The following TLCD4 variants were observed in gnomAD, a reference collection of about 807,000 sequenced individuals.
TLCD4 encodes the protein TLC domain containing 4.
A neutral mutation model predicts 24.2 loss-of-function variants in TLCD4; 7 were observed. The ratio of observed to expected loss-of-function variants is 0.29; its 90% CI spans 0.16 to 0.54. The LOEUF (loss-of-function observed/expected upper bound fraction) is 0.54. Among genes scored for constraint, TLCD4 ranks in the 20% least tolerant of loss-of-function variants. The pLI is 0.95. For missense variants in TLCD4, 259 were observed against 313.9 expected, an observed-to-expected ratio of 0.82 and a Z score of 1.32; for synonymous variants, 103 against 106.4, an observed-to-expected ratio of 0.97 and a Z score of 0.20.
At chr1:95,162,827 GC>G (rs1354387104) in intron 5 of TLCD4, among the ~76,000 whole-genome samples, 1 of 152,164 alleles carries the variant, frequency 6.6e-6, no homozygotes, top group Non-Finnish European at 1.5e-5. Context: ...TTGAACATTG[GC>G]CCCCACTCTG....
intron 6 of TLCD4, among the ~76,000 whole-genome samples, chr1:95,176,461 G>A (rs1287861152): frequency 6.6e-6 from 1 of 152,288 alleles, no homozygotes; most frequent in East Asian, 1.9e-4. Context: ...AAAGTACTGG[G>A]ATTACAGGCA....
chr1:95,180,513 C>A (rs1678597444), intron 6 of TLCD4, among the ~76,000 whole-genome samples: 1 of 152,050 alleles, frequency 6.6e-6, no homozygotes, highest in South Asian at 2.1e-4. Context: ...TATTTTCTCT[C>A]CATTTTAGAG....
At chr1:95,131,465 C>T (rs1178692948) in intron 1 of TLCD4, among the ~76,000 whole-genome samples, 2 of 152,072 alleles carry the variant, frequency 1.3e-5, no homozygotes, top group South Asian at 2.1e-4. Flanking sequence ...ATGGAGTCCT[C>T]GTAAGAGCAT....
intron 1 of TLCD4, among the ~76,000 whole-genome samples, chr1:95,138,732 GGTGTAGA>G (rs1408212729): frequency 6.6e-6 from 1 of 150,488 alleles, no homozygotes; most frequent in African/African-American, 2.4e-5. Flanking sequence ...CTGAATACAT[GGTGTAGA>G]CAGATGCTAC....
chr1:95,179,325 A>C (rs895825144), intron 6 of TLCD4, among the ~76,000 whole-genome samples: 1 of 152,220 alleles, frequency 6.6e-6, no homozygotes, highest in Non-Finnish European at 1.5e-5. Context: ...GTGGGGCTCT[A>C]GGCCAGGTTG....
At chr1:95,104,824 T>G in the TLCD4 span, among the ~76,000 whole-genome samples, 3 of 151,620 alleles carry the variant, frequency 2.0e-5, no homozygotes, top group Admixed American at 6.6e-5. Context: ...GCTCAGAAGT[T>G]CAAGACCAGC....
intron 6 of TLCD4, among the ~76,000 whole-genome samples, chr1:95,178,968 C>G (rs1480619445): frequency 6.6e-6 from 1 of 152,088 alleles, no homozygotes. Flanking sequence ...TTCTCCCTCA[C>G]TTTATTTGAT....
At chr1:95,115,094 A>ATATATACATATAT (rs1676405197), upstream of TLCD4, among the ~76,000 whole-genome samples, 1 of 147,462 alleles carries the variant, frequency 6.8e-6, no homozygotes, top group Non-Finnish European at 1.5e-5. Flanking sequence ...CACATTATAT[A>ATATATACATATAT]TATATATATA....
chr1:95,117,967 C>T (rs1460805459), intron 1 of TLCD4: 1 of 152,222 alleles, frequency 6.6e-6, no homozygotes, highest in Non-Finnish European at 1.5e-5. Flanking sequence ...CTGCACGATT[C>T]CGGCTGCCCT....
Position 95,125,915 on chromosome 1 carries a change from G to T in TLCD4, c.-12+8298G>T, listed in dbSNP as rs147611644. Among the ~76,000 whole-genome samples, 1,220 of 152,114 alleles carry T rather than the reference G, an allele frequency of 8.0e-3. 41 individuals carry two copies. In the East Asian group the frequency reaches 0.1, roughly 13 times the overall value. On this transcript the variant is annotated intron_variant, in intron 1 of 6. Transcript: ENST00000370203. Reference sequence around the variant, plus strand: ...ACCTGCAATCCCAGCACTTTGGGAGGCTGAGGCAGGAGGGTCACTTGAGTT... The same window carrying T: ...ACCTGCAATCCCAGCACTTTGGGAGTCTGAGGCAGGAGGGTCACTTGAGTT...
In TLCD4 at chr1:95,192,829, A is replaced by G. The variant is rs1416633040; in HGVS notation, c.*961A>G. On this transcript the variant is annotated 3_prime_UTR_variant, in exon 7 of 7. Transcript: ENST00000370203. ...ACTGTCATTTCTATTTTAGCATTTTATCAAATTATTGCTTTTTTATTTTAT... is the reference window on the plus strand; with the variant it reads ...ACTGTCATTTCTATTTTAGCATTTTGTCAAATTATTGCTTTTTTATTTTAT... 6.6e-6 allele frequency: 1 copy of G among 152,166 alleles called. No individual in the cohort carries two copies. Among genetic ancestry groups the G allele is most frequent in the East Asian group, 1.9e-4 (1 of 5,194 alleles). The allele number at this position is 152,166 out of a possible 1,614,324, so 9.4% of individuals were successfully genotyped here. A position where few individuals can be genotyped will look rare whatever the true frequency, so the allele number is the denominator to read the frequency against.
chr1:95,179,415 C>T (rs1678557302), intron 6 of TLCD4, among the ~76,000 whole-genome samples: 1 of 152,232 alleles, frequency 6.6e-6, no homozygotes, highest in Non-Finnish European at 1.5e-5. Flanking sequence ...GCCATGTTCA[C>T]TTTTCTGCCA....
At chr1:95,169,631 C>A (rs948400123) in intron 5 of TLCD4, among the ~76,000 whole-genome samples, 2 of 21,622 alleles carry the variant, frequency 9.2e-5, no homozygotes, top group Non-Finnish European at 2.1e-4. Context: ...TAGTATACTT[C>A]ATGATTTTTT....
chr1:95,152,518 G>A (rs985708800), intron 5 of TLCD4, among the ~76,000 whole-genome samples: 1 of 152,030 alleles, frequency 6.6e-6, no homozygotes, highest in African/African-American at 2.4e-5. Flanking sequence ...AACTTAAAGT[G>A]ATGAATAGAA....
intron 5 of TLCD4, among the ~76,000 whole-genome samples, chr1:95,165,741 C>T (rs1677998331): frequency 6.6e-6 from 1 of 152,206 alleles, no homozygotes; most frequent in Non-Finnish European, 1.5e-5. Context: ...GCTGGGATTA[C>T]AGGCATGAGC....
intron 1 of TLCD4, among the ~76,000 whole-genome samples, chr1:95,136,488 G>A (rs955959089): frequency 6.6e-6 from 1 of 152,088 alleles, no homozygotes; most frequent in Admixed American, 6.5e-5. Flanking sequence ...CCTCTGTGTT[G>A]TATGCAGCTT....
chr1:95,193,247 G>A lies in TLCD4; in HGVS notation c.*1379G>A, dbSNP rs1041290151. The A allele has an allele frequency of 1.3e-5, 2 of 152,036 alleles. No homozygotes were observed. The highest frequency in any genetic ancestry group is 6.6e-5 in the Admixed American group (1 of 15,262). The allele number at this position is 152,036 out of a possible 1,614,324, so 9.4% of individuals were successfully genotyped here. A position where few individuals can be genotyped will look rare whatever the true frequency, so the allele number is the denominator to read the frequency against. ...TATCTTAAAGCACAGAAAAAAAAAG[G>A]TAATTTAATCCAAGTATTCTATCAT... is the stretch of plus-strand genomic sequence containing the variant. On this transcript the variant is annotated 3_prime_UTR_variant, in exon 7 of 7. Coordinates refer to ENST00000370203, the MANE Select transcript of TLCD4 (RefSeq NM_152487.3).
chr1:95,163,246 AT>A (rs1299600394), intron 5 of TLCD4: 6 of 151,978 alleles, frequency 3.9e-5, no homozygotes, highest in African/African-American at 1.5e-4. Flanking sequence ...CATTTCATTC[AT>A]TTGATCTACA....
chr1:95,123,386 G>T (rs185635262), intron 1 of TLCD4, among the ~76,000 whole-genome samples: 72 of 152,302 alleles, frequency 4.7e-4, no homozygotes, highest in African/African-American at 1.7e-3. Flanking sequence ...CAAGAGGAAG[G>T]CTTGATCACC....
Sources: gnomAD v4.1 joint callset for allele counts (sites outside exome capture counted in the v4.1 genomes callset) on GRCh38, gnomAD v4.1.1 for gene constraint, MANE v1.5 for transcripts, NCBI Gene and HGNC (gene_info 2026-07-23, HGNC 2026-07-21) for gene names.